CLIC5: variants seen among roughly 807,000 people sequenced by gnomAD.
The protein encoded by CLIC5 is CLIC family member 5, also known as chloride intracellular channel protein 5.
CLIC5 carries 20 observed loss-of-function variants against 24.7 expected under a neutral mutation model. That is an observed-to-expected ratio of 0.81 (90% CI 0.57 to 1.18). The LOEUF (loss-of-function observed/expected upper bound fraction) is 1.18. Among genes scored for constraint, CLIC5 ranks in the 50% most tolerant of loss-of-function variants. The pLI is 0.00. For synonymous variants in CLIC5, 159 were observed against 135.6 expected (o/e 1.17, Z -1.20); for missense variants, 341 against 326.1 (o/e 1.05, Z -0.35).
chr6:45,885,281 G>A (rs1428795564), intron 6 of CLIC5, among the ~76,000 whole-genome samples: 1 of 152,146 alleles, frequency 6.6e-6, no homozygotes, highest in Non-Finnish European at 1.5e-5. Context: ...TGAGAAGTCA[G>A]CCTTCCACTA....
intron 4 of CLIC5, chr6:45,918,957 A>G (rs1561931621): frequency 1.0e-6 from 1 of 985,428 alleles, no homozygotes; most frequent in African/African-American, 1.7e-5. Flanking sequence ...CGCTTATGCA[A>G]GCACACACAT....
intron 1 of CLIC5, among the ~76,000 whole-genome samples, chr6:46,002,623 C>T (rs1008415159): frequency 1.3e-5 from 2 of 152,160 alleles, no homozygotes; most frequent in African/African-American, 2.4e-5. Context: ...GCTACTGCAT[C>T]CATAGGTAGC....
In CLIC5 at chr6:45,900,734, T is replaced by C. The variant is rs573736988; in HGVS notation, c.*2354A>G. ...CTCCTCCCTCTCTTTCAAATGGCTA[T>C]CATTGATCATATAACACCCCCACCT... On this transcript the variant is annotated 3_prime_UTR_variant, in exon 6 of 6. Transcript: ENST00000339561. The C allele has an allele frequency of 2.6e-5, 4 of 152,254 alleles. No homozygotes were observed. Among genetic ancestry groups the C allele is most frequent in the Admixed American group, 2.6e-4 (4 of 15,296 alleles). The allele number at this position is 152,254 out of a possible 1,614,324, so 9.4% of individuals were successfully genotyped here.
intron 4 of CLIC5, among the ~76,000 whole-genome samples, chr6:45,926,150 G>A (rs1006305694): frequency 2.6e-5 from 4 of 151,386 alleles, no homozygotes; most frequent in East Asian, 1.9e-4. Flanking sequence ...AAGGGAAGAG[G>A]TTCTAGACAC....
chr6:46,113,104 A>C, the CLIC5 span, among the ~76,000 whole-genome samples: 3 of 152,194 alleles, frequency 2.0e-5, no homozygotes, highest in South Asian at 6.2e-4. Context: ...GTTAAGGATG[A>C]TGTATATGAG....
chr6:45,979,183 A>G (rs189475126), intron 1 of CLIC5, among the ~76,000 whole-genome samples: 1 of 152,306 alleles, frequency 6.6e-6, no homozygotes, highest in Admixed American at 6.5e-5. Context: ...TGTTAGAATA[A>G]GAATCTTCCC....
At chr6:45,892,413 T>C (rs1762361612) in intron 6 of CLIC5, among the ~76,000 whole-genome samples, 1 of 152,230 alleles carries the variant, frequency 6.6e-6, no homozygotes, top group South Asian at 2.1e-4. Flanking sequence ...TTTTGTGTCA[T>C]GGCCAAGAAT....
At chr6:45,971,561 A>G (rs1468661656) in intron 1 of CLIC5, among the ~76,000 whole-genome samples, 1 of 152,210 alleles carries the variant, frequency 6.6e-6, no homozygotes, top group Non-Finnish European at 1.5e-5. Flanking sequence ...TTCGAGCATT[A>G]ATGACAGATA....
At chr6:46,016,962 AG>A (rs1767032917), upstream of CLIC5, among the ~76,000 whole-genome samples, 2 of 152,252 alleles carry the variant, frequency 1.3e-5, no homozygotes, top group South Asian at 4.1e-4. Flanking sequence ...ACATTTGTGC[AG>A]GTGACTATCA....
chr6:45,926,692 T>C (rs3777561), intron 4 of CLIC5, among the ~76,000 whole-genome samples: 40,119 of 152,102 alleles, frequency 0.26, 5,713 homozygotes, highest in East Asian at 0.47. Context: ...CTCTTTTGAC[T>C]CTTGGTGAAG....
At chr6:45,978,948 TAAA>T (rs10542352) in intron 1 of CLIC5, among the ~76,000 whole-genome samples, 73 of 144,924 alleles carry the variant, frequency 5.0e-4, no homozygotes, top group South Asian at 6.6e-4. Flanking sequence ...AAAACTCCAT[TAAA>T]AAAAAAAAAA....
chr6:46,081,428 A>C (rs1762917665), upstream of CLIC5, among the ~76,000 whole-genome samples: 1 of 152,306 alleles, frequency 6.6e-6, no homozygotes, highest in Admixed American at 6.5e-5. Flanking sequence ...CATCTTGGCA[A>C]AACTTCGTTG....
chr6:45,967,491 G>C (rs1436894588), intron 1 of CLIC5, among the ~76,000 whole-genome samples: 3 of 152,210 alleles, frequency 2.0e-5, no homozygotes. Flanking sequence ...TCAAAGGTAA[G>C]AGAGTTTATT....
intron 1 of CLIC5, among the ~76,000 whole-genome samples, chr6:45,975,789 G>T (rs117977467): frequency 1.3e-3 from 196 of 152,068 alleles, no homozygotes; most frequent in East Asian, 8.1e-3. Flanking sequence ...ATGAAATAGG[G>T]GTACAGTACC....
chr6:46,056,481 A>G (rs1199848858), intron 1 of CLIC5, among the ~76,000 whole-genome samples: 1 of 152,120 alleles, frequency 6.6e-6, no homozygotes, highest in Non-Finnish European at 1.5e-5. Context: ...CATATGTGGT[A>G]CAACCTACAC....
chr6:45,944,263 T>A (rs1440462277), intron 3 of CLIC5, among the ~76,000 whole-genome samples: 1 of 152,102 alleles, frequency 6.6e-6, no homozygotes, highest in Non-Finnish European at 1.5e-5. Context: ...GAAAATAATA[T>A]GAAATTCAAA....
intron 5 of CLIC5, among the ~76,000 whole-genome samples, chr6:45,906,709 T>G (rs1289813761): frequency 6.6e-6 from 1 of 152,064 alleles, no homozygotes; most frequent in Non-Finnish European, 1.5e-5. Flanking sequence ...ATTACAGGCA[T>G]GCGCCACCAT....
At chr6:46,123,062 T>A in the CLIC5 span, 1 of 152,154 alleles carries the variant, frequency 6.6e-6, no homozygotes, top group East Asian at 1.9e-4. Flanking sequence ...AGAGAGGGAA[T>A]CCTCCCTAAC....
the CLIC5 span, among the ~76,000 whole-genome samples, chr6:46,121,792 TA>T: frequency 5.9e-5 from 9 of 152,040 alleles, no homozygotes; most frequent in East Asian, 1.7e-3. Flanking sequence ...TAGTCTCTGA[TA>T]AAACAGACTT....
Sources: gnomAD v4.1 joint callset for allele counts (sites outside exome capture counted in the v4.1 genomes callset) on GRCh38, gnomAD v4.1.1 for gene constraint, MANE v1.5 for transcripts, NCBI Gene and HGNC (gene_info 2026-07-23, HGNC 2026-07-21) for gene names.